The following NBAS variants were observed in gnomAD, a reference collection of about 807,000 sequenced individuals.
The protein encoded by NBAS is NBAS subunit of NRZ tethering complex.
In NBAS, 219 loss-of-function variants were observed where a neutral mutation model predicts 302.5. The ratio of observed to expected loss-of-function variants is 0.72; its 90% CI spans 0.65 to 0.81. NBAS has a LOEUF of 0.81. Ranked by LOEUF, NBAS falls within the 30% of genes least tolerant of loss-of-function variation. The pLI, the probability that NBAS is intolerant of heterozygous loss-of-function variation, is 0.00. For synonymous variants in NBAS, 1,118 were observed against 1,021.6 expected, an observed-to-expected ratio of 1.09 and a Z score of -1.80; for missense variants, 2,932 against 2,841.6, an observed-to-expected ratio of 1.03 and a Z score of -0.72.
intron 41 of NBAS, among the ~76,000 whole-genome samples, chr2:15,288,006 C>T (rs531116356): frequency 6.6e-5 from 10 of 151,798 alleles, no homozygotes; most frequent in African/African-American, 2.2e-4. Flanking sequence ...GAGCACCCAG[C>T]GTGGGCATCC....
chr2:15,279,488 C>T (rs1669733797), intron 42 of NBAS, among the ~76,000 whole-genome samples: 2 of 152,166 alleles, frequency 1.3e-5, no homozygotes, highest in Admixed American at 1.3e-4. Context: ...TGTCATACTT[C>T]ATTCGTAACA....
intron 42 of NBAS, among the ~76,000 whole-genome samples, chr2:15,279,845 T>C (rs1045691111): frequency 5.9e-5 from 9 of 152,206 alleles, no homozygotes; most frequent in Non-Finnish European, 1.5e-5. Context: ...AGAAAGAAGC[T>C]GTTATCTTCC....
At chr2:15,092,522 TC>T in the NBAS span, among the ~76,000 whole-genome samples, 2 of 152,036 alleles carry the variant, frequency 1.3e-5, no homozygotes, top group African/African-American at 4.8e-5. Context: ...TTTGCACTCC[TC>T]CCCCCACCCC....
At chr2:14,872,927 T>C in the NBAS span, among the ~76,000 whole-genome samples, 3 of 152,204 alleles carry the variant, frequency 2.0e-5, no homozygotes, top group East Asian at 1.9e-4. Flanking sequence ...GGAATGAAGC[T>C]GCAGAACTTT....
At chr2:15,030,727 T>C in the NBAS span, among the ~76,000 whole-genome samples, 52 of 152,350 alleles carry the variant, frequency 3.4e-4, 2 homozygotes, top group South Asian at 0.01. Context: ...GCTGGGTTTC[T>C]CAGCACTATT....
the NBAS span, among the ~76,000 whole-genome samples, chr2:15,156,165 T>C: frequency 2.0e-5 from 3 of 152,228 alleles, no homozygotes; most frequent in African/African-American, 4.8e-5. Context: ...CTGTTCTCCA[T>C]GGGAGGGCAA....
At chr2:15,379,018 G>T (rs995813147) in intron 30 of NBAS, among the ~76,000 whole-genome samples, 1 of 152,030 alleles carries the variant, frequency 6.6e-6, no homozygotes, top group African/African-American at 2.4e-5. Context: ...CTGCAATTGG[G>T]TATACCTAAT....
chr2:14,965,702 AC>A, the NBAS span, among the ~76,000 whole-genome samples: 3 of 152,154 alleles, frequency 2.0e-5, no homozygotes, highest in Non-Finnish European at 4.4e-5. Flanking sequence ...CTAGAGCAAA[AC>A]CAAAAAATTA....
chr2:15,495,527 A>G (rs894486233), intron 11 of NBAS, among the ~76,000 whole-genome samples: 1 of 152,194 alleles, frequency 6.6e-6, no homozygotes, highest in Admixed American at 6.5e-5. Flanking sequence ...GACTTAAAAC[A>G]CATAGTTTTT....
chr2:14,786,532 C>T, the NBAS span, among the ~76,000 whole-genome samples: 50 of 152,028 alleles, frequency 3.3e-4, no homozygotes, highest in Non-Finnish European at 4.1e-4. Context: ...TCTTTGTTCT[C>T]GTTGGTTTCA....
At chr2:15,441,769 G>C (rs1678423633) in intron 21 of NBAS, among the ~76,000 whole-genome samples, 1 of 152,156 alleles carries the variant, frequency 6.6e-6, no homozygotes, top group Non-Finnish European at 1.5e-5. Context: ...CCCATCTCAT[G>C]TGCAGAGACA....
the NBAS span, among the ~76,000 whole-genome samples, chr2:14,850,626 A>G: frequency 1.5e-5 from 1 of 67,924 alleles, no homozygotes; most frequent in Non-Finnish European, 2.5e-5. Context: ...CAGAATATAC[A>G]TTTTTTTCAG....
chr2:15,465,499 G>A (rs1041858398), intron 19 of NBAS, among the ~76,000 whole-genome samples: 8 of 152,074 alleles, frequency 5.3e-5, no homozygotes, highest in Admixed American at 6.6e-5. Context: ...AATATCTTGC[G>A]TTTAGGAGGC....
At chr2:15,365,462 T>C (rs1344559778) in intron 32 of NBAS, among the ~76,000 whole-genome samples, 1 of 152,208 alleles carries the variant, frequency 6.6e-6, no homozygotes, top group African/African-American at 2.4e-5. Flanking sequence ...GGGGGTATCA[T>C]TCCTATTTTC....
At chr2:14,801,827 G>C in the NBAS span, among the ~76,000 whole-genome samples, 1 of 152,020 alleles carries the variant, frequency 6.6e-6, no homozygotes, top group Admixed American at 6.6e-5. Context: ...CTTCTTTTGA[G>C]AAGTGTCTGT....
the NBAS span, among the ~76,000 whole-genome samples, chr2:15,071,085 C>A: frequency 1.3e-5 from 2 of 152,298 alleles, no homozygotes; most frequent in South Asian, 2.1e-4. Flanking sequence ...CCATCCCACA[C>A]ACCCTTCCTA....
the NBAS span, among the ~76,000 whole-genome samples, chr2:15,023,806 T>A: frequency 6.7e-6 from 1 of 149,918 alleles, no homozygotes; most frequent in African/African-American, 2.5e-5. Context: ...CTTTGAATAT[T>A]AAAAATATTC....
the NBAS span, among the ~76,000 whole-genome samples, chr2:14,887,421 A>G: frequency 3.3e-5 from 5 of 150,554 alleles, no homozygotes; most frequent in Non-Finnish European, 5.9e-5. Context: ...AAAAAGATAG[A>G]GGCTCTAGAA....
At chr2:14,991,463 A>T in the NBAS span, among the ~76,000 whole-genome samples, 2 of 152,190 alleles carry the variant, frequency 1.3e-5, no homozygotes, top group South Asian at 4.1e-4. Flanking sequence ...CCAGTGTTGC[A>T]GGGAACCACA....
Sources: allele counts gnomAD v4.1 joint callset (sites outside exome capture counted in the v4.1 genomes callset), GRCh38; gene constraint gnomAD v4.1.1; transcripts MANE v1.5; gene names NCBI Gene and HGNC (gene_info 2026-07-23, HGNC 2026-07-21).